Variants in KCNQ3 observed in about 807,000 individuals in gnomAD.
The protein encoded by KCNQ3 is potassium voltage-gated channel subfamily Q member 3.
A neutral mutation model predicts 92.5 loss-of-function variants in KCNQ3; 30 were observed. That is an observed-to-expected ratio of 0.32 (90% CI 0.24 to 0.44). The LOEUF (loss-of-function observed/expected upper bound fraction) is 0.44. Ranked by LOEUF, KCNQ3 falls within the 20% of genes least tolerant of loss-of-function variation. The pLI is 1.00. For missense variants in KCNQ3, 913 were observed against 1,140.3 expected, an observed-to-expected ratio of 0.80 and a Z score of 2.87; for synonymous variants, 450 against 468.8, an observed-to-expected ratio of 0.96 and a Z score of 0.52.
At chr8:132,417,032 C>A (rs1257558895) in intron 1 of KCNQ3, among the ~76,000 whole-genome samples, 1 of 152,170 alleles carries the variant, frequency 6.6e-6, no homozygotes, top group East Asian at 1.9e-4. Context: ...TAGCCACCAC[C>A]ATTATTGGGT....
intron 1 of KCNQ3, among the ~76,000 whole-genome samples, chr8:132,233,853 G>A (rs537285272): frequency 1.5e-4 from 22 of 151,480 alleles, no homozygotes; most frequent in African/African-American, 3.6e-4. Context: ...GTGGAGAAGC[G>A]GGCAAAAAAA....
intron 1 of KCNQ3, among the ~76,000 whole-genome samples, chr8:132,282,392 A>T (rs954886608): frequency 6.6e-6 from 1 of 152,092 alleles, no homozygotes; most frequent in Non-Finnish European, 1.5e-5. Flanking sequence ...ACAGGGGGAG[A>T]GTAGCCCACC....
rs1039946265 is a variant in KCNQ3 at position 132,428,994 on chromosome 8, G to A, written c.386+51153C>T. ...ACAATGACTTCCAAGCTTAGTTCCCGAAGGACGGGATAGCCATTCCAGACC... is the reference window on the plus strand; with the variant it reads ...ACAATGACTTCCAAGCTTAGTTCCCAAAGGACGGGATAGCCATTCCAGACC... On this transcript the variant is annotated intron_variant, in intron 1 of 14. Transcript: ENST00000388996. Among the ~76,000 whole-genome samples, 5 of 152,208 alleles carry A rather than the reference G, an allele frequency of 3.3e-5. No homozygotes were observed. The East Asian group carries it at 5.8e-4, about 18-fold the overall frequency.
At chr8:132,222,324 T>C (rs976549372) in intron 1 of KCNQ3, among the ~76,000 whole-genome samples, 8 of 152,226 alleles carry the variant, frequency 5.3e-5, no homozygotes, top group Admixed American at 3.3e-4. Flanking sequence ...CATCCACCCA[T>C]TGATCTGAAA....
In KCNQ3 at chr8:132,317,466, A is replaced by ATGTTCTAG. The variant is rs562856967; in HGVS notation, c.387-131293_387-131286dup. Among the ~76,000 whole-genome samples the ATGTTCTAG allele has an allele frequency of 3.1e-3, 477 of 152,340 alleles. 3 individuals carry two copies. The highest frequency in any genetic ancestry group is 0.011 in the African/African-American group (455 of 41,588). On this transcript the variant is annotated intron_variant, in intron 1 of 14. Coordinates refer to ENST00000388996, the MANE Select transcript of KCNQ3 (RefSeq NM_004519.4). ...TCACATACTACTTTTAGGATTCCAA[A>ATGTTCTAG]TGTTCTAGTGGGTAGAGTGATGAGT...
At chr8:132,293,864 G>A (rs1816931084) in intron 1 of KCNQ3, among the ~76,000 whole-genome samples, 1 of 152,184 alleles carries the variant, frequency 6.6e-6, no homozygotes, top group Non-Finnish European at 1.5e-5. Context: ...TCTTGGGATT[G>A]AGCCAGGGAG....
chr8:132,464,601 G>A (rs776380427), intron 1 of KCNQ3, among the ~76,000 whole-genome samples: 13 of 152,108 alleles, frequency 8.5e-5, no homozygotes, highest in African/African-American at 1.2e-4. Context: ...ATAAAAAGTC[G>A]GACCTTGGAT....
chr8:132,218,583 T>G, intron 1 of KCNQ3, among the ~76,000 whole-genome samples: 1 of 152,204 alleles, frequency 6.6e-6, no homozygotes, highest in South Asian at 2.1e-4. Flanking sequence ...CCTGGAAAGT[T>G]TTATTATCCC....
At chr8:132,361,296 G>C (rs1461384592) in intron 1 of KCNQ3, among the ~76,000 whole-genome samples, 1 of 152,136 alleles carries the variant, frequency 6.6e-6, no homozygotes, top group African/African-American at 2.4e-5. Context: ...TGATGCTTCT[G>C]CGGCACGAAC....
In KCNQ3 at chr8:132,226,232, G is replaced by C. The variant is rs10091437; in HGVS notation, c.387-40051C>G. 4.0e-5 allele frequency among the ~76,000 whole-genome samples: 6 copies of C among 150,828 alleles called. No individual in the cohort carries two copies. The Middle Eastern group carries it at 0.01, about 260-fold the overall frequency. On this transcript the variant is annotated intron_variant, in intron 1 of 14. Coordinates refer to ENST00000388996, the MANE Select transcript of KCNQ3 (RefSeq NM_004519.4). ...CTTGCAGTGAGCTGAGATTGCACCA[G>C]TGCACTCCAGCCTGGGTGAGAGAGC...
intron 1 of KCNQ3, among the ~76,000 whole-genome samples, chr8:132,420,453 A>T (rs185250612): frequency 9.2e-5 from 14 of 152,278 alleles, no homozygotes; most frequent in Admixed American, 7.2e-4. Flanking sequence ...CAGCCTGGCG[A>T]CATCTGCAGC....
chr8:132,427,974 T>C (rs1287109735), intron 1 of KCNQ3, among the ~76,000 whole-genome samples: 1 of 152,212 alleles, frequency 6.6e-6, no homozygotes, highest in Non-Finnish European at 1.5e-5. Flanking sequence ...TACCCAAGTC[T>C]TATGCCTTCG....
At chr8:132,255,129 T>C (rs979940568) in intron 1 of KCNQ3, among the ~76,000 whole-genome samples, 3 of 151,774 alleles carry the variant, frequency 2.0e-5, no homozygotes, top group African/African-American at 7.3e-5. Flanking sequence ...CACCTCATGA[T>C]AGCCTTAAAA....
chr8:132,181,373 G>C (rs1826767890), intron 3 of KCNQ3, among the ~76,000 whole-genome samples: 1 of 152,142 alleles, frequency 6.6e-6, no homozygotes, highest in African/African-American at 2.4e-5. Flanking sequence ...AAAATTATTA[G>C]TGTTATTTAT....
chr8:132,444,578 AAAT>A (rs1356143652), intron 1 of KCNQ3, among the ~76,000 whole-genome samples: 1 of 152,228 alleles, frequency 6.6e-6, no homozygotes, highest in Non-Finnish European at 1.5e-5. Flanking sequence ...ATAAAGGAAT[AAAT>A]AATCAAGCCT....
At chr8:132,296,867 T>C (rs1817047530) in intron 1 of KCNQ3, among the ~76,000 whole-genome samples, 1 of 152,022 alleles carries the variant, frequency 6.6e-6, no homozygotes, top group Non-Finnish European at 1.5e-5. Flanking sequence ...CATGTGTCTT[T>C]ATAGCAGCAT....
intron 12 of KCNQ3, among the ~76,000 whole-genome samples, chr8:132,135,003 G>T (rs966042181): frequency 6.6e-6 from 1 of 152,002 alleles, no homozygotes; most frequent in African/African-American, 2.4e-5. Context: ...TTTTATTTTA[G>T]GTTTGGGGGT....
intron 1 of KCNQ3, among the ~76,000 whole-genome samples, chr8:132,469,540 C>T (rs1021071327): frequency 6.6e-6 from 1 of 152,146 alleles, no homozygotes; most frequent in African/African-American, 2.4e-5. Context: ...TACCCAAAAC[C>T]AGAATGACAG....
At chr8:132,387,504 G>A (rs1819919723) in intron 1 of KCNQ3, among the ~76,000 whole-genome samples, 1 of 152,132 alleles carries the variant, frequency 6.6e-6, no homozygotes, top group Admixed American at 6.5e-5. Context: ...GCTTTAAGAA[G>A]TAGAAACTCT....
Sources: allele counts gnomAD v4.1 joint callset (sites outside exome capture counted in the v4.1 genomes callset), GRCh38; gene constraint gnomAD v4.1.1; transcripts MANE v1.5; gene names NCBI Gene and HGNC (gene_info 2026-07-23, HGNC 2026-07-21).